Variants in ZNF839 observed in about 807,000 individuals in gnomAD.
ZNF839 encodes the protein zinc finger protein 839.
ZNF839 carries 38 observed loss-of-function variants against 56.4 expected under a neutral mutation model. The observed-to-expected ratio is 0.67, with a 90% CI of 0.52 to 0.88. ZNF839 has a LOEUF of 0.88. ZNF839 is among the 40% of genes least tolerant of loss of function. The pLI, the probability that ZNF839 is intolerant of heterozygous loss-of-function variation, is 0.00. For missense variants in ZNF839, 1,091 were observed against 1,177.6 expected (o/e 0.93, Z 1.08); for synonymous variants, 486 against 493.5 (o/e 0.98, Z 0.20).
In ZNF839 at chr14:102,326,525, C is replaced by CT. The variant is rs2073417826; in HGVS notation, c.830dup (p.Ser278ValfsTer4). On this transcript the variant is annotated frameshift_variant, in exon 2 of 8. Coordinates refer to ENST00000442396, the MANE Select transcript of ZNF839 (RefSeq NM_018335.6). LOFTEE classifies it high-confidence loss of function. This position sits in a 1 kb window ranked among gnomAD's most constrained non-coding sequence, Gnocchi z 4.3. ...AACAGAGGATCTGGCGGATGGTCAT[C>CT]TGTCAGATTCTGATGATTACTCAGA... 2 of 1,613,896 alleles carry CT rather than the reference C, an allele frequency of 1.2e-6. No individual in the cohort carries two copies. Among genetic ancestry groups the CT allele is most frequent in the Admixed American group, 1.7e-5 (1 of 60,002 alleles).
rs116675278 is a variant in ZNF839, at chr14:102,323,118, C to T, written c.289-2867C>T. 5.4e-3 allele frequency among the ~76,000 whole-genome samples: 829 copies of T among 152,332 alleles called. 9 individuals carry two copies. The highest frequency in any genetic ancestry group is 0.019 in the African/African-American group (779 of 41,562). ...GATGCTCCACTGTTTGAGGGTCACA[C>T]CAGAAGGTTGAGTCCAAAGAGGGCC... On this transcript the variant is annotated intron_variant, in intron 1 of 7. Transcript: ENST00000442396.
At chr14:102,330,534 CT>C (rs562581331) in intron 2 of ZNF839, among the ~76,000 whole-genome samples, 1,446 of 126,132 alleles carry the variant, frequency 0.011, 20 homozygotes, top group African/African-American at 0.034. Flanking sequence ...GCTCCCCGCT[CT>C]TTTTTTTTTT....
chr14:102,326,181 A>C lies in ZNF839; in HGVS notation c.485A>C (p.Gln162Pro). The C allele has an allele frequency of 1.2e-6, 2 of 1,613,720 alleles. No individual in the cohort carries two copies. ...RVQPLVRTEP[Q>P]SCFLSDLCQP... The stretch of plus-strand genomic sequence containing the variant: ...CAGCCGCTTGTGAGAACCGAGCCAC[A>C]GTCCTGCTTCCTAAGTGACTTATGC... The change falls in exon 2 of 8, where the codon CAG (glutamine) becomes CCG (proline). Residue 162 changes from glutamine (Q) to proline (P), a missense_variant. This residue lies in a region of ZNF839 where 614 missense variants were observed against 629.2 expected (regional missense o/e 0.98). Coordinates refer to ENST00000442396, the MANE Select transcript of ZNF839 (RefSeq NM_018335.6). The surrounding 1 kb of genome is among the most constrained non-coding windows in gnomAD (Gnocchi z 4.3).
At position 102,329,725 on chromosome 14, in the gene ZNF839, G is replaced by GTA. The variant is rs60092565; in HGVS notation, c.1192-1895_1192-1894dup. On this transcript the variant is annotated intron_variant, in intron 2 of 7. Transcript: ENST00000442396. ...AATATTTGTGTGTGTGTGTGTGTGT[G>GTA]TATGTGTGTGTGTAATCTTTAGGCA... Among the ~76,000 whole-genome samples, 4 of 145,300 alleles carry GTA rather than the reference G, an allele frequency of 2.8e-5. No homozygotes were observed. In the East Asian group the frequency reaches 6.2e-4, roughly 22 times the overall value.
chr14:102,327,578 A>G (rs2073486059), intron 2 of ZNF839, among the ~76,000 whole-genome samples: 1 of 152,176 alleles, frequency 6.6e-6, no homozygotes, highest in South Asian at 2.1e-4. Flanking sequence ...TTGCACTTCA[A>G]CATGAGATTT....
chr14:102,323,350 G>A (rs2073234220), intron 1 of ZNF839, among the ~76,000 whole-genome samples: 1 of 152,206 alleles, frequency 6.6e-6, no homozygotes, highest in Non-Finnish European at 1.5e-5. Flanking sequence ...TGGATGATGA[G>A]GTTTGCCTCT....
rs1162982822 is a variant in ZNF839 at position 102,326,746 on chromosome 14, A to C, written c.1050A>C (p.Lys350Asn). 6.2e-7 allele frequency: 1 copy of C among 1,613,298 alleles called. No individual in the cohort carries two copies. The highest frequency in any genetic ancestry group is 8.5e-7 in the Non-Finnish European group (1 of 1,179,662). The change falls in exon 2 of 8, where the codon AAA becomes AAC. Residue 350 changes from lysine (K) to asparagine (N), a missense_variant. By Grantham distance (94) the Lys-to-Asn change is moderately conservative. Coordinates refer to ENST00000442396, the MANE Select transcript of ZNF839 (RefSeq NM_018335.6). The surrounding 1 kb of genome is among the most constrained non-coding windows in gnomAD (Gnocchi z 4.3). Reference protein sequence around the residue: ...QLDPEMVLSEKASGSTLRGCT... With the variant: ...QLDPEMVLSENASGSTLRGCT... ...ACCCCGAGATGGTGCTGTCTGAGAA[A>C]GCCAGTGGAAGCACCCTCCGGGGGT...
chr14:102,324,579 T>C (rs1158975751), intron 1 of ZNF839, among the ~76,000 whole-genome samples: 3 of 152,094 alleles, frequency 2.0e-5, no homozygotes, highest in Non-Finnish European at 2.9e-5. Flanking sequence ...CACACACCTG[T>C]GATCCCAGCT....
chr14:102,341,615 C>G lies in ZNF839; in HGVS notation c.2220C>G (p.Ser740Arg). 6.2e-7 allele frequency: 1 copy of G among 1,613,948 alleles called. No homozygotes were observed. ...CTTCAGACCAGGACACCTGGGACAG[C>G]CTGAGGAGCCCGGGTTTCTGCAGCC... Reference protein sequence around the residue: ...EHSSDQDTWDSLRSPGFCSPL... With the variant: ...EHSSDQDTWDRLRSPGFCSPL... The change falls in exon 8 of 8, where the codon AGC becomes AGG. Residue 740 changes from serine (S) to arginine (R), a missense_variant. Physicochemically the swap from Ser to Arg is moderately radical, Grantham distance 110. This residue lies in a region of ZNF839 where 431 missense variants were observed against 468.0 expected (regional missense o/e 0.92). Transcript: ENST00000442396.
At chr14:102,338,606 C>T (rs972082390) in intron 5 of ZNF839, among the ~76,000 whole-genome samples, 44 of 148,696 alleles carry the variant, frequency 3.0e-4, no homozygotes, top group African/African-American at 1.1e-3. Flanking sequence ...ATAGAACCTT[C>T]TAGTTTTTAT....
At chr14:102,335,464 C>T (rs147593195) in intron 4 of ZNF839, 384 of 499,420 alleles carry the variant, frequency 7.7e-4, no homozygotes, top group African/African-American at 6.8e-3. Flanking sequence ...ACATGGCCCC[C>T]ACCCAGGGCT....
chr14:102,341,186 CCAAGGAG>C (rs1182096339), intron 7 of ZNF839, 130 bp from the exon 8 acceptor site: 3 of 1,025,476 alleles, frequency 2.9e-6, no homozygotes, highest in Non-Finnish European at 4.0e-6. Flanking sequence ...GCTACCAATC[CCAAGGAG>C]CAAGGAGCAT....
Position 102,339,220 on chromosome 14 carries a change from G to A in ZNF839, c.1924G>A (p.Ala642Thr), listed in dbSNP as rs373766097. 48 of 1,609,640 alleles carry A rather than the reference G, an allele frequency of 3.0e-5. No homozygotes were observed. The highest frequency in any genetic ancestry group is 1.9e-4 in the South Asian group (17 of 90,270). ...EKPRPLHALA[A>T]GFSPPVNVTV... is the part of the protein sequence containing the mutation. ...GCCCAGGCCCTTGCATGCTTTGGCC[G>A]CTGGTGAGGGTAAAATGCTGTTTGT... Residue 642 changes from alanine (A) to threonine (T), a missense_variant, in exon 7 of 8, where the codon GCT (alanine) becomes ACT (threonine). Around this residue, in one of 3 missense-constraint regions of ZNF839, gnomAD observed 431 missense variants for 468.0 expected, o/e 0.92. Coordinates refer to ENST00000442396, the MANE Select transcript of ZNF839 (RefSeq NM_018335.6).
In ZNF839 at chr14:102,341,817, A is replaced by G. The variant is rs764501408; in HGVS notation, c.2422A>G (p.Ser808Gly). The G allele has an allele frequency of 2.5e-6, 4 of 1,614,054 alleles. No homozygotes were observed. The highest frequency in any genetic ancestry group is 4.5e-5 in the East Asian group (2 of 44,886). Reference protein sequence around the residue: ...PPLEKILSVDSVAVDCAYRTV... With the variant: ...PPLEKILSVDGVAVDCAYRTV... ...GCTTGAGAAAATTTTGTCTGTGGAT[A>G]GCGTGGCAGTGGACTGTGCCTACAG... The change falls in exon 8 of 8, where the codon AGC (serine) becomes GGC (glycine). Residue 808 changes from serine (S) to glycine (G), a missense_variant. Around this residue, in one of 3 missense-constraint regions of ZNF839, gnomAD observed 431 missense variants for 468.0 expected, o/e 0.92. Coordinates refer to ENST00000442396, the MANE Select transcript of ZNF839 (RefSeq NM_018335.6).
Position 102,341,977 on chromosome 14 carries a change from A to C in ZNF839, c.2582A>C (p.Glu861Ala). The change falls in exon 8 of 8, where the codon GAG becomes GCG. Residue 861 changes from glutamate to alanine, a missense_variant. Coordinates refer to ENST00000442396, the MANE Select transcript of ZNF839 (RefSeq NM_018335.6). ...MEVHSGQREL[E>A]SVVAVGEAMA... is the part of the protein sequence containing the mutation. ...GTGCACTCTGGCCAGAGAGAACTGGAGAGCGTGGTTGCTGTCGGCGAAGCC... is the reference window on the plus strand; with the variant it reads ...GTGCACTCTGGCCAGAGAGAACTGGCGAGCGTGGTTGCTGTCGGCGAAGCC... 1 of 1,614,050 alleles carries C rather than the reference A, an allele frequency of 6.2e-7. No individual in the cohort carries two copies. Among genetic ancestry groups the C allele is most frequent in the South Asian group, 1.1e-5 (1 of 91,088 alleles).
chr14:102,331,871 T>C (rs8014122), intron 3 of ZNF839, 25 bp downstream of exon 3: 51,149 of 1,524,336 alleles, frequency 0.034, 2,235 homozygotes, highest in African/African-American at 0.21. Flanking sequence ...AACCCTGTGC[T>C]TGAAACCCGT....
chr14:102,319,749 T>G lies in ZNF839; in HGVS notation c.-17T>G. The G allele has an allele frequency of 2.4e-6, 3 of 1,228,116 alleles. No individual in the cohort carries two copies. Among genetic ancestry groups the G allele is most frequent in the Non-Finnish European group, 3.0e-6 (3 of 985,394 alleles). The allele number at this position is 1,228,116 out of a possible 1,614,324, so 76.1% of individuals were successfully genotyped here. On this transcript the variant is annotated 5_prime_UTR_variant, in exon 1 of 8. Coordinates refer to ENST00000442396, the MANE Select transcript of ZNF839 (RefSeq NM_018335.6). This position sits in a 1 kb window ranked among gnomAD's most constrained non-coding sequence, Gnocchi z 4.5. ...CGTCGCTCAGCGACCCGGGTTCGAG[T>G]CCCCGCCTCGGCCGCCATGGCGGAT...
intron 6 of ZNF839, 51 bp downstream of exon 6, chr14:102,339,004 T>C: frequency 6.2e-7 from 1 of 1,613,632 alleles, no homozygotes; most frequent in African/African-American, 1.3e-5. Context: ...TGAATTAGCG[T>C]GGTTTGGCTT....
intron 1 of ZNF839, among the ~76,000 whole-genome samples, chr14:102,321,195 A>G (rs1185956457): frequency 1.3e-5 from 2 of 152,242 alleles, no homozygotes; most frequent in Admixed American, 6.5e-5. Flanking sequence ...GAAGGCTGCA[A>G]GGTGCCATCT....
Sources: allele counts gnomAD v4.1 joint callset (sites outside exome capture counted in the v4.1 genomes callset), GRCh38; gene constraint gnomAD v4.1.1; regional missense constraint gnomAD v4.1.1; non-coding constraint Gnocchi (gnomAD v3.1); transcripts MANE v1.5; gene names NCBI Gene and HGNC (gene_info 2026-07-23, HGNC 2026-07-21).